Variants in SYN3 observed in about 807,000 individuals in gnomAD.
SYN3 encodes the protein synapsin III, also known as synapsin-3.
SYN3 carries 35 observed loss-of-function variants against 65.8 expected under a neutral mutation model. The observed-to-expected ratio is 0.53, with a 90% CI of 0.41 to 0.70. The LOEUF (loss-of-function observed/expected upper bound fraction) is 0.70. SYN3 is among the 30% of genes least tolerant of loss of function. SYN3 has a pLI of 0.00. For missense variants in SYN3, 680 were observed against 749.0 expected (o/e 0.91, Z 1.08); for synonymous variants, 270 against 292.9 (o/e 0.92, Z 0.80).
At chr22:32,725,859 T>C (rs1448566928) in intron 6 of SYN3, among the ~76,000 whole-genome samples, 1 of 152,236 alleles carries the variant, frequency 6.6e-6, no homozygotes, top group East Asian at 1.9e-4. Context: ...AGTCAATATT[T>C]AGTCTGACGT....
intron 4 of SYN3, among the ~76,000 whole-genome samples, chr22:32,886,594 G>C (rs189967380): frequency 6.6e-6 from 1 of 152,108 alleles, no homozygotes; most frequent in African/African-American, 2.4e-5. Flanking sequence ...GATTTGCTTC[G>C]ACATATGTAA....
chr22:32,864,916 A>T lies in SYN3; in HGVS notation c.710T>A (p.Met237Lys). 6.2e-7 allele frequency: 1 copy of T among 1,613,714 alleles called. No homozygotes were observed. Among genetic ancestry groups the T allele is most frequent in the Non-Finnish European group, 8.5e-7 (1 of 1,179,616 alleles). ...EQTFFPNHKP[M>K]VTAPHFPVVV... ...AACAGAGTAAAAAAGGGCACTCACC[A>T]TTGGCTTATGGTTGGGGAAAAATGT... Residue 237 changes from methionine (M) to lysine (K), a missense_variant and splice_region_variant, in exon 6 of 14, where the codon ATG becomes AAG. By Grantham distance (95) the Met-to-Lys change is moderately conservative. Transcript: ENST00000358763.
chr22:32,977,063 A>C (rs1215257902), intron 3 of SYN3, among the ~76,000 whole-genome samples: 1 of 152,164 alleles, frequency 6.6e-6, no homozygotes, highest in Non-Finnish European at 1.5e-5. Flanking sequence ...TCTGATTCCA[A>C]GATGGATTTG....
At chr22:32,825,143 G>A (rs1049787765) in intron 6 of SYN3, among the ~76,000 whole-genome samples, 1 of 152,130 alleles carries the variant, frequency 6.6e-6, no homozygotes, top group Non-Finnish European at 1.5e-5. Flanking sequence ...GCAGTGGGTG[G>A]GAGGACTTGG....
chr22:32,976,028 T>C (rs1395701255), intron 3 of SYN3, among the ~76,000 whole-genome samples: 1 of 152,216 alleles, frequency 6.6e-6, no homozygotes, highest in Non-Finnish European at 1.5e-5. Flanking sequence ...CTGAAGTGCA[T>C]GTGAGAAAAT....
At chr22:33,017,071 A>G (rs1328084613) in intron 1 of SYN3, among the ~76,000 whole-genome samples, 1 of 151,970 alleles carries the variant, frequency 6.6e-6, no homozygotes, top group African/African-American at 2.4e-5. Flanking sequence ...ATCTATTTTG[A>G]GGTGTTTTTT....
In SYN3 at chr22:32,948,389, C is replaced by T. The variant is rs116696939; in HGVS notation, c.370-16908G>A. 5.1e-3 allele frequency among the ~76,000 whole-genome samples: 782 copies of T among 152,212 alleles called. 8 individuals are homozygous for T. Among genetic ancestry groups the T allele is most frequent in the African/African-American group, 0.018 (753 of 41,534 alleles). Reference sequence around the variant, plus strand: ...ACGACAAATATTTATGCAGCACATTCGAAGTTCCAGGCTCTGTTATAGGTG... The same window carrying T: ...ACGACAAATATTTATGCAGCACATTTGAAGTTCCAGGCTCTGTTATAGGTG... On this transcript the variant is annotated intron_variant, in intron 3 of 13. Coordinates refer to ENST00000358763, the MANE Select transcript of SYN3 (RefSeq NM_003490.4).
At chr22:32,844,125 G>A (rs776205089) in intron 6 of SYN3, among the ~76,000 whole-genome samples, 4 of 152,104 alleles carry the variant, frequency 2.6e-5, no homozygotes, top group Admixed American at 6.5e-5. Context: ...ATTGTTGCTC[G>A]GCCTTCTAGT....
intron 6 of SYN3, among the ~76,000 whole-genome samples, chr22:32,852,423 G>A (rs2048246510): frequency 6.6e-6 from 1 of 152,084 alleles, no homozygotes; most frequent in Non-Finnish European, 1.5e-5. Flanking sequence ...TCCTGCAAAG[G>A]GTGTATCAGA....
At chr22:32,978,225 G>C (rs1170474173) in intron 3 of SYN3, among the ~76,000 whole-genome samples, 1 of 152,096 alleles carries the variant, frequency 6.6e-6, no homozygotes, top group Admixed American at 6.6e-5. Flanking sequence ...CTAGGTGATG[G>C]GGATGAAGGG....
rs190741745 is a variant in SYN3, at chr22:32,941,695, C to T, written c.370-10214G>A. ...GCAAGGGGTAAGGGAATTCCCTTTCCTAGCCAAGGGAAGCCATGACAGACA... is the reference window on the plus strand; with the variant it reads ...GCAAGGGGTAAGGGAATTCCCTTTCTTAGCCAAGGGAAGCCATGACAGACA... On this transcript the variant is annotated intron_variant, in intron 3 of 13. Coordinates refer to ENST00000358763, the MANE Select transcript of SYN3 (RefSeq NM_003490.4). Among the ~76,000 whole-genome samples the T allele has an allele frequency of 2.0e-3, 303 of 152,312 alleles. 1 individual carries two copies. Among genetic ancestry groups the T allele is most frequent in the African/African-American group, 6.7e-3 (277 of 41,574 alleles).
intron 3 of SYN3, among the ~76,000 whole-genome samples, chr22:32,959,249 G>A (rs889593824): frequency 1.3e-5 from 2 of 152,014 alleles, no homozygotes; most frequent in African/African-American, 4.8e-5. Flanking sequence ...TTTGCTTGCT[G>A]TCATCCATGT....
intron 2 of SYN3, among the ~76,000 whole-genome samples, chr22:33,000,639 C>T (rs568118356): frequency 5.9e-5 from 9 of 152,228 alleles, no homozygotes; most frequent in Non-Finnish European, 1.2e-4. Context: ...GAAAAGGGGG[C>T]AGCATCATCG....
At chr22:32,780,558 A>G (rs1003799237) in intron 6 of SYN3, among the ~76,000 whole-genome samples, 17 of 152,184 alleles carry the variant, frequency 1.1e-4, no homozygotes, top group African/African-American at 4.1e-4. Flanking sequence ...CTTTCCACAA[A>G]GAGCTTTGTA....
chr22:32,780,967 TTCCTTCCTTCCC>T (rs202196314), intron 6 of SYN3, among the ~76,000 whole-genome samples: 1 of 65,978 alleles, frequency 1.5e-5, no homozygotes, highest in Non-Finnish European at 3.4e-5. Context: ...CCTTCCTTCC[TTCCTTCCTTCCC>T]TCCTTCCTTC....
chr22:32,519,309 TC>T (rs2057835165), intron 12 of SYN3: 1 of 141,320 alleles, frequency 7.1e-6, no homozygotes, highest in African/African-American at 2.8e-5. Flanking sequence ...ATTTTAATTC[TC>T]TTTTTTTTTT....
chr22:33,021,385 A>C (rs1372293477), intron 1 of SYN3, among the ~76,000 whole-genome samples: 1 of 152,242 alleles, frequency 6.6e-6, no homozygotes, highest in Non-Finnish European at 1.5e-5. Flanking sequence ...GGGAACCACC[A>C]CTACCAAGAT....
intron 7 of SYN3, among the ~76,000 whole-genome samples, chr22:32,551,762 A>C (rs1265379238): frequency 6.6e-6 from 1 of 152,184 alleles, no homozygotes; most frequent in African/African-American, 2.4e-5. Flanking sequence ...TATTCACTGA[A>C]ATATTTATGG....
chr22:32,836,372 C>T (rs867856615), intron 6 of SYN3, among the ~76,000 whole-genome samples: 6 of 152,318 alleles, frequency 3.9e-5, no homozygotes, highest in South Asian at 4.2e-4. Flanking sequence ...TCAATGACTC[C>T]ATCTCCCTGT....
Sources: gnomAD v4.1 joint callset for allele counts (sites outside exome capture counted in the v4.1 genomes callset) on GRCh38, gnomAD v4.1.1 for gene constraint, MANE v1.5 for transcripts, NCBI Gene and HGNC (gene_info 2026-07-23, HGNC 2026-07-21) for gene names.